Variants in GOLGA4 observed in about 807,000 individuals in gnomAD.
GOLGA4 encodes the protein golgin subfamily A member 4.
In GOLGA4, 169 loss-of-function variants were observed where a neutral mutation model predicts 265.9. The observed-to-expected ratio is 0.64, with a 90% CI of 0.56 to 0.72. GOLGA4 has a LOEUF of 0.72. GOLGA4 is among the 30% of genes least tolerant of loss of function. GOLGA4 has a pLI of 0.00. For missense variants in GOLGA4, 2,482 were observed against 2,483.4 expected, an observed-to-expected ratio of 1.00 and a Z score of 0.01; for synonymous variants, 923 against 855.8, an observed-to-expected ratio of 1.08 and a Z score of -1.37.
chr3:37,274,625 G>A (rs1237164299), intron 2 of GOLGA4, among the ~76,000 whole-genome samples: 2 of 151,824 alleles, frequency 1.3e-5, no homozygotes, highest in Non-Finnish European at 2.9e-5. Flanking sequence ...GCCTGGGAGT[G>A]GAGGCTGCAG....
At chr3:37,312,629 C>G (rs1209700359) in intron 10 of GOLGA4, among the ~76,000 whole-genome samples, 2 of 150,810 alleles carry the variant, frequency 1.3e-5, no homozygotes, top group Middle Eastern at 3.4e-3. Flanking sequence ...CTTAAGTGAT[C>G]CTCCCACCTC....
intron 11 of GOLGA4, among the ~76,000 whole-genome samples, chr3:37,318,205 A>G (rs2096943353): frequency 6.6e-6 from 1 of 151,936 alleles, no homozygotes; most frequent in Admixed American, 6.6e-5. Context: ...TCTCCTTCTG[A>G]TATGCCATAT....
intron 2 of GOLGA4, chr3:37,266,778 T>C: frequency 4.0e-6 from 3 of 756,694 alleles, no homozygotes; most frequent in Non-Finnish European, 5.9e-6. Context: ...AACATGCCAT[T>C]ATGATTTGTT....
chr3:37,331,535 T>A (rs1395780259), intron 16 of GOLGA4, among the ~76,000 whole-genome samples: 1 of 152,234 alleles, frequency 6.6e-6, no homozygotes, highest in Non-Finnish European at 1.5e-5. Flanking sequence ...ATTCTCCCAT[T>A]TAAAAATTTC....
At chr3:37,313,059 C>T (rs907920710) in intron 10 of GOLGA4, among the ~76,000 whole-genome samples, 2 of 152,010 alleles carry the variant, frequency 1.3e-5, no homozygotes, top group African/African-American at 4.8e-5. Context: ...AGAAATTAGC[C>T]CGGTCTGGTG....
intron 5 of GOLGA4, among the ~76,000 whole-genome samples, chr3:37,291,773 G>C (rs550650715): frequency 6.6e-6 from 1 of 152,224 alleles, no homozygotes; most frequent in South Asian, 2.1e-4. Context: ...TGGAACTAAA[G>C]GGCCTAATTT....
At chr3:37,304,965 T>C (rs965891953) in intron 10 of GOLGA4, among the ~76,000 whole-genome samples, 3 of 152,104 alleles carry the variant, frequency 2.0e-5, no homozygotes, top group African/African-American at 7.2e-5. Context: ...TAAATTATTA[T>C]TACTTTTTTT....
rs1487668142 is a variant in GOLGA4, at chr3:37,325,057, A to G, written c.3171A>G (p.Glu1057=). 1 of 1,613,010 alleles carries G rather than the reference A, an allele frequency of 6.2e-7. No homozygotes were observed. Among genetic ancestry groups the G allele is most frequent in the South Asian group, 1.1e-5 (1 of 90,924 alleles). Residue 1057 remains glutamate, a synonymous_variant, in exon 14 of 24, where the codon GAA becomes GAG. Transcript: ENST00000361924. ...WEKKLNQQAE[E]LQEIHEIQLQ... Reference sequence around the variant, plus strand: ...AGAAACTTAATCAGCAAGCTGAAGAACTTCAGGAAATACATGAAATCCAAT... The same window carrying G: ...AGAAACTTAATCAGCAAGCTGAAGAGCTTCAGGAAATACATGAAATCCAAT...
In GOLGA4 at chr3:37,275,053, A is replaced by G. The variant is rs1415290677; in HGVS notation, c.163-6905A>G. Among the ~76,000 whole-genome samples, 6 of 151,706 alleles carry G rather than the reference A, an allele frequency of 4.0e-5. No individual in the cohort carries two copies. In the South Asian group the frequency reaches 1.3e-3, roughly 32 times the overall value. The stretch of plus-strand genomic sequence containing the variant: ...ATGGTGAAACCCCGTCTCTACTAAA[A>G]ATACAAAAAAAAATTAGCTGGGCGT... On this transcript the variant is annotated intron_variant, in intron 2 of 23. Transcript: ENST00000361924.
In GOLGA4 at chr3:37,338,955, G is replaced by A. The variant is rs113514830; in HGVS notation, c.6397-1169G>A. The stretch of plus-strand genomic sequence containing the variant: ...AGGCTCACTGCAAGCTCCGCCTCCC[G>A]GATTCACACCATTCTCCTGCCTCAG... On this transcript the variant is annotated intron_variant, in intron 19 of 23. Coordinates refer to ENST00000361924, the MANE Select transcript of GOLGA4 (RefSeq NM_002078.5). 2.2e-3 allele frequency among the ~76,000 whole-genome samples: 327 copies of A among 146,208 alleles called. 1 individual carries two copies. The highest frequency in any genetic ancestry group is 7.6e-3 in the African/African-American group (300 of 39,524).
intron 4 of GOLGA4, among the ~76,000 whole-genome samples, chr3:37,288,405 G>A (rs1559385834): frequency 6.6e-6 from 1 of 151,076 alleles, no homozygotes; most frequent in East Asian, 1.9e-4. Context: ...CACCATGCCC[G>A]GCCAGCTTCT....
Position 37,350,232 on chromosome 3 carries a change from C to T in GOLGA4, c.6576+2936C>T, listed in dbSNP as rs111254171. On this transcript the variant is annotated intron_variant, in intron 21 of 23. Transcript: ENST00000361924. ...AAGGTGTGGCAAAGAGCCTGGGCTT[C>T]TCCATTAAAGTGTTTTCTGGCAAGC... Among the ~76,000 whole-genome samples the T allele has an allele frequency of 3.1e-3, 468 of 152,266 alleles. 3 individuals are homozygous for T. Among genetic ancestry groups the T allele is most frequent in the African/African-American group, 0.011 (438 of 41,574 alleles).
intron 23 of GOLGA4, among the ~76,000 whole-genome samples, chr3:37,361,802 A>T (rs1314524544): frequency 6.6e-6 from 1 of 152,244 alleles, no homozygotes; most frequent in Non-Finnish European, 1.5e-5. Context: ...TTACTTCCTG[A>T]AATCAGACAG....
intron 2 of GOLGA4, among the ~76,000 whole-genome samples, chr3:37,257,940 CATAT>C (rs36161155): frequency 2.6e-5 from 2 of 75,942 alleles, no homozygotes; most frequent in South Asian, 3.7e-4. Flanking sequence ...TATATACATA[CATAT>C]ATATGTATGT....
At chr3:37,304,401 T>C (rs1473923844) in intron 10 of GOLGA4, among the ~76,000 whole-genome samples, 2 of 152,240 alleles carry the variant, frequency 1.3e-5, no homozygotes, top group Admixed American at 1.3e-4. Flanking sequence ...TCATCAAACC[T>C]AAGAAAACTT....
intron 10 of GOLGA4, among the ~76,000 whole-genome samples, chr3:37,307,959 C>T (rs1441617852): frequency 2.0e-5 from 3 of 152,068 alleles, no homozygotes; most frequent in Non-Finnish European, 2.9e-5. Flanking sequence ...TGGGGCTGGG[C>T]GCGGTGGCTC....
At chr3:37,337,469 C>T (rs553239808) in intron 18 of GOLGA4, among the ~76,000 whole-genome samples, 197 bp from the exon 19 acceptor site, 50 of 152,222 alleles carry the variant, frequency 3.3e-4, no homozygotes, top group African/African-American at 1.1e-3. Flanking sequence ...CCTCGGCTTT[C>T]CAAAGTGCTA....
chr3:37,292,343 A>G lies in GOLGA4; in HGVS notation c.583-2636A>G, dbSNP rs1471277990. On this transcript the variant is annotated intron_variant, in intron 5 of 23. Coordinates refer to ENST00000361924, the MANE Select transcript of GOLGA4 (RefSeq NM_002078.5). ...CTAACTGTTGTATTTCGGAATAAAGACATCAGGAATAAGTACCCAGATTCT... is the reference window on the plus strand; with the variant it reads ...CTAACTGTTGTATTTCGGAATAAAGGCATCAGGAATAAGTACCCAGATTCT... 2.0e-5 allele frequency among the ~76,000 whole-genome samples: 3 copies of G among 152,220 alleles called. No homozygotes were observed. In the East Asian group the frequency reaches 5.8e-4, roughly 29 times the overall value.
intron 5 of GOLGA4, 138 bp downstream of exon 5, chr3:37,289,429 G>T: frequency 1.9e-6 from 1 of 538,004 alleles, no homozygotes; most frequent in South Asian, 3.4e-5. Context: ...CAAGACCAGG[G>T]GTCAGTTCTT....
Sources: allele counts gnomAD v4.1 joint callset (sites outside exome capture counted in the v4.1 genomes callset), GRCh38; gene constraint gnomAD v4.1.1; transcripts MANE v1.5; gene names NCBI Gene and HGNC (gene_info 2026-07-23, HGNC 2026-07-21).